Variants in MICAL3 observed in about 807,000 individuals in gnomAD.
The protein encoded by MICAL3 is [F-actin]-monooxygenase MICAL3.
A neutral mutation model predicts 207.4 loss-of-function variants in MICAL3; 62 were observed. The ratio of observed to expected loss-of-function variants is 0.30; its 90% CI spans 0.24 to 0.37. The LOEUF is 0.37. Among genes scored for constraint, MICAL3 ranks in the 10% least tolerant of loss-of-function variants. The pLI is 1.00. For synonymous variants in MICAL3, 1,077 were observed against 1,069.3 expected (o/e 1.01, Z -0.14); for missense variants, 2,368 against 2,635.6 (o/e 0.90, Z 2.22).
intron 19 of MICAL3, among the ~76,000 whole-genome samples, chr22:17,843,084 G>A (rs1468815996): frequency 3.1e-5 from 4 of 127,390 alleles, no homozygotes; most frequent in South Asian, 2.5e-4. Flanking sequence ...TTGCGCCACT[G>A]CACTCCAGCC....
intron 20 of MICAL3, among the ~76,000 whole-genome samples, chr22:17,836,428 G>T (rs908462114): frequency 6.6e-6 from 1 of 152,160 alleles, no homozygotes; most frequent in Non-Finnish European, 1.5e-5. Context: ...TTCCCACCAG[G>T]GTCCACACGG....
chr22:17,876,765 AGGG>A, intron 16 of MICAL3: 2 of 145,602 alleles, frequency 1.4e-5, no homozygotes, highest in East Asian at 4.0e-4. Context: ...TAAGGAGGTT[AGGG>A]AAGTTATGGA....
chr22:17,818,689 C>T lies in MICAL3; in HGVS notation c.3972G>A (p.Val1324=), dbSNP rs200017356. ...CCGCACTCTTCATCCAGAACTCCTC[C>T]ACCAGGTCGCTCCGTCTGAGGGCCT... ...VDEALRRSDL[V]EEFWMKSAEI... Residue 1324 remains valine (V), a synonymous_variant, in exon 26 of 32, where the codon GTG becomes GTA. Coordinates refer to ENST00000441493, the MANE Select transcript of MICAL3 (RefSeq NM_015241.3). The T allele has an allele frequency of 4.1e-5, 66 of 1,613,846 alleles. No homozygotes were observed. The East Asian group carries it at 6.5e-4, about 16-fold the overall frequency.
chr22:17,842,073 G>A, intron 19 of MICAL3, 56 bp from the exon 20 acceptor site: 1 of 1,526,490 alleles, frequency 6.6e-7, no homozygotes. Flanking sequence ...CGGGGCGTGG[G>A]GGTGGGGGCT....
intron 11 of MICAL3, among the ~76,000 whole-genome samples, chr22:17,893,267 TACTTCC>T (rs1930526329): frequency 6.6e-6 from 1 of 152,136 alleles, no homozygotes; most frequent in African/African-American, 2.4e-5. Context: ...CTGCCTCTGG[TACTTCC>T]CTCCTCCAAC....
chr22:17,895,018 A>C (rs1437081507), intron 10 of MICAL3, among the ~76,000 whole-genome samples: 1 of 152,230 alleles, frequency 6.6e-6, no homozygotes, highest in Non-Finnish European at 1.5e-5. Context: ...TAAAGTAAGA[A>C]TTTGAATTAG....
intron 21 of MICAL3, among the ~76,000 whole-genome samples, chr22:17,830,856 C>G (rs1293842138): frequency 2.0e-5 from 3 of 152,242 alleles, no homozygotes; most frequent in Non-Finnish European, 4.4e-5. Context: ...TGCTAACCCA[C>G]CTCACTGGGG....
At chr22:17,928,501 T>C (rs897997376) in intron 1 of MICAL3, among the ~76,000 whole-genome samples, 3 of 151,758 alleles carry the variant, frequency 2.0e-5, no homozygotes, top group African/African-American at 7.3e-5. Context: ...TCATGTAGTG[T>C]ATGAGATATA....
chr22:17,866,060 T>C (rs764297719), intron 17 of MICAL3, 48 bp from the exon 18 acceptor site: 1 of 1,395,818 alleles, frequency 7.2e-7, no homozygotes, highest in East Asian at 2.3e-5. Context: ...CAGGCACGGA[T>C]CCTGAACGTG....
chr22:17,922,794 A>T (rs1176247954), intron 1 of MICAL3, among the ~76,000 whole-genome samples: 1 of 152,182 alleles, frequency 6.6e-6, no homozygotes, highest in African/African-American at 2.4e-5. Context: ...TCCAAGCCAC[A>T]GAAAGGAATG....
At chr22:17,942,426 C>G (rs1295566685) in intron 1 of MICAL3, among the ~76,000 whole-genome samples, 1 of 152,200 alleles carries the variant, frequency 6.6e-6, no homozygotes, top group African/African-American at 2.4e-5. Flanking sequence ...CATGCCTCAC[C>G]TCCTCCACTT....
chr22:17,817,386 A>T lies in MICAL3; in HGVS notation c.5275T>A (p.Ser1759Thr). The change falls in exon 26 of 32, where the codon TCC becomes ACC. Residue 1759 changes from serine to threonine, a missense_variant. This residue lies in a region of MICAL3 where 1,770 missense variants were observed against 1,863.2 expected (regional missense o/e 0.95). Transcript: ENST00000441493. ...KDKKKKADDK[S>T]CPSTPSSGAT... is the part of the protein sequence containing the mutation. ...CCGCTGGAGGGGGTGCTGGGGCAGG[A>T]CTTGTCGTCGGCCTTCTTCTTCTTG... The T allele has an allele frequency of 6.2e-7, 1 of 1,612,894 alleles. No individual in the cohort carries two copies. Among genetic ancestry groups the T allele is most frequent in the Non-Finnish European group, 8.5e-7 (1 of 1,179,784 alleles).
At chr22:17,831,758 C>A in intron 21 of MICAL3, 96 bp downstream of exon 21, 5 of 1,488,352 alleles carry the variant, frequency 3.4e-6, no homozygotes, top group Non-Finnish European at 4.5e-6. Context: ...GAGGCACGTC[C>A]GTGTGACGTC....
intron 17 of MICAL3, among the ~76,000 whole-genome samples, chr22:17,868,908 GA>G (rs1927433108): frequency 1.3e-5 from 2 of 151,986 alleles, no homozygotes; most frequent in Admixed American, 6.6e-5. Context: ...ACGCATGGAT[GA>G]GACAGTGCGA....
intron 1 of MICAL3, among the ~76,000 whole-genome samples, chr22:17,938,063 T>G (rs148298041): frequency 2.0e-5 from 3 of 152,364 alleles, no homozygotes; most frequent in East Asian, 3.9e-4. Flanking sequence ...TTTATTAAAT[T>G]TTTTTAAAGT....
At chr22:17,822,841 C>T (rs771659445) in intron 23 of MICAL3, 106 bp downstream of exon 23, 9 of 657,630 alleles carry the variant, frequency 1.4e-5, no homozygotes, top group African/African-American at 3.7e-5. Context: ...CAAGAAGGAA[C>T]CAGGAGGCCC....
intron 1 of MICAL3, among the ~76,000 whole-genome samples, chr22:17,935,357 G>A: frequency 6.6e-6 from 1 of 152,166 alleles, no homozygotes; most frequent in Admixed American, 6.5e-5. Context: ...AAATGGTGCT[G>A]GGAAAACTGG....
At chr22:17,923,399 C>A (rs1172505149) in intron 1 of MICAL3, among the ~76,000 whole-genome samples, 3 of 152,238 alleles carry the variant, frequency 2.0e-5, no homozygotes, top group African/African-American at 7.2e-5. Context: ...AGCCAGCAAC[C>A]TACCACATTT....
chr22:17,900,770 A>C lies in MICAL3; in HGVS notation c.847+72T>G, dbSNP rs1465337542. ...GACACCGACGGCCACTCACCCCACC[A>C]ATCCCCCAAGAAAAAGCCACCAGGG... On this transcript the variant is annotated intron_variant, in intron 6 of 31. Coordinates refer to ENST00000441493, the MANE Select transcript of MICAL3 (RefSeq NM_015241.3). This position sits in a 1 kb window ranked among gnomAD's most constrained non-coding sequence, Gnocchi z 4.0. The C allele has an allele frequency of 7.0e-7, 1 of 1,425,154 alleles. No individual in the cohort carries two copies. The highest frequency in any genetic ancestry group is 9.8e-7 in the Non-Finnish European group (1 of 1,018,400). The allele number at this position is 1,425,154 out of a possible 1,614,324, so 88.3% of individuals were successfully genotyped here.
Sources: gnomAD v4.1 joint callset for allele counts (sites outside exome capture counted in the v4.1 genomes callset) on GRCh38, gnomAD v4.1.1 for gene constraint, gnomAD v4.1.1 regional missense constraint, Gnocchi (gnomAD v3.1) non-coding constraint, MANE v1.5 for transcripts, NCBI Gene and HGNC (gene_info 2026-07-23, HGNC 2026-07-21) for gene names.